The following CROCC variants were observed in gnomAD, a reference collection of about 807,000 sequenced individuals.
CROCC encodes the protein ciliary rootlet coiled-coil, rootletin.
Under a neutral mutation model 245.2 loss-of-function variants are expected in CROCC, and 180 were observed. That is an observed-to-expected ratio of 0.73 (90% CI 0.65 to 0.83). The LOEUF (loss-of-function observed/expected upper bound fraction) is 0.83, where lower values mean the gene tolerates loss of function less well. CROCC is among the 40% of genes least tolerant of loss of function. CROCC has a pLI of 0.00. For synonymous variants in CROCC, 1,205 were observed against 1,241.6 expected (o/e 0.97, Z 0.62); for missense variants, 2,688 against 2,779.4 (o/e 0.97, Z 0.74).
At chr1:16,922,893 G>A in intron 2 of CROCC, 95 bp downstream of exon 2, 2 of 1,501,362 alleles carry the variant, frequency 1.3e-6, no homozygotes, top group Non-Finnish European at 8.9e-7. Context: ...GATCATGACT[G>A]TAACTCACTG....
intron 1 of CROCC, among the ~76,000 whole-genome samples, chr1:16,916,486 C>T (rs1345546172): frequency 6.6e-6 from 1 of 152,272 alleles, no homozygotes; most frequent in Non-Finnish European, 1.5e-5. Flanking sequence ...GCAGGCGCTG[C>T]AGGATGGAAG....
intron 21 of CROCC, 66 bp downstream of exon 21, chr1:16,953,547 C>G: frequency 1.4e-6 from 2 of 1,456,936 alleles, no homozygotes; most frequent in Non-Finnish European, 1.8e-6. Context: ...CCGGGCCCTG[C>G]TCTGCCACTT....
chr1:16,940,548 G>A (rs1339231264), intron 13 of CROCC, among the ~76,000 whole-genome samples: 1 of 152,186 alleles, frequency 6.6e-6, no homozygotes, highest in African/African-American at 2.4e-5. Context: ...CACCACGCCC[G>A]GCTAATTTTT....
intron 17 of CROCC, among the ~76,000 whole-genome samples, chr1:16,947,856 CCAGA>C (rs2076084528): frequency 6.6e-6 from 1 of 151,352 alleles, no homozygotes; most frequent in Non-Finnish European, 1.5e-5. Flanking sequence ...GTTTTTTTTT[CCAGA>C]CAGAGTCTTG....
In CROCC at chr1:16,972,410, A is replaced by G. The variant is rs1245727705; in HGVS notation, c.6018A>G (p.Ala2006=). 6.2e-7 allele frequency: 1 copy of G among 1,612,810 alleles called. No individual in the cohort carries two copies. The highest frequency in any genetic ancestry group is 8.5e-7 in the Non-Finnish European group (1 of 1,179,580). The part of the protein sequence containing the change: ...QLQQELRRSS[A]PFSPPSGPPE... ...AGCAGGAGCTTCGAAGGAGCTCAGC[A>G]CCCTTCTCCCCACCCTCCGGCCCCC... is the stretch of plus-strand genomic sequence containing the variant. The change falls in exon 37 of 37, where the codon GCA becomes GCG. Residue 2006 remains alanine (A), a synonymous_variant. Transcript: ENST00000375541.
chr1:16,938,667 G>T (rs1157940349), intron 11 of CROCC, among the ~76,000 whole-genome samples, 184 bp downstream of exon 11: 1 of 152,296 alleles, frequency 6.6e-6, no homozygotes, highest in Admixed American at 6.5e-5. Context: ...GTCTCAGAGG[G>T]GAGGCACGAC....
At chr1:16,958,138 G>A (rs1286249496) in intron 25 of CROCC, among the ~76,000 whole-genome samples, 2 of 152,198 alleles carry the variant, frequency 1.3e-5, no homozygotes, top group Non-Finnish European at 2.9e-5. Context: ...CTGTTAGATA[G>A]GGATAATGTT....
chr1:16,968,224 G>A lies in CROCC; in HGVS notation c.4882G>A (p.Ala1628Thr), dbSNP rs749521598. The change falls in exon 31 of 37, where the codon GCC (alanine) becomes ACC (threonine). Residue 1628 changes from alanine (A) to threonine (T), a missense_variant. By Grantham distance (58) the Ala-to-Thr change is moderately conservative (BLOSUM62 0). This residue lies in a region of CROCC where 1,218 missense variants were observed against 1,286.3 expected (regional missense o/e 0.95). Transcript: ENST00000375541. ...GCAGGAGAAGATCAGCAAGATGAAG[G>A]CCAATGAGACAAAGCTGGAGGGCGA... ...ASQEKISKMK[A>T]NETKLEGDKR... 1.3e-6 allele frequency: 2 copies of A among 1,566,762 alleles called. No homozygotes were observed. The highest frequency in any genetic ancestry group is 1.2e-5 in the South Asian group (1 of 85,040).
In CROCC at chr1:16,966,068, G is replaced by C; in HGVS notation, c.4645G>C (p.Ala1549Pro). 1 of 1,613,784 alleles carries C rather than the reference G, an allele frequency of 6.2e-7. No individual in the cohort carries two copies. The highest frequency in any genetic ancestry group is 1.1e-5 in the South Asian group (1 of 91,054). Residue 1549 changes from alanine (A) to proline (P), a missense_variant, in exon 29 of 37, where the codon GCA becomes CCA. This residue lies in a region of CROCC where 1,218 missense variants were observed against 1,286.3 expected (regional missense o/e 0.95). Transcript: ENST00000375541. The surrounding 1 kb of genome is among the most constrained non-coding windows in gnomAD (Gnocchi z 4.8). The stretch of plus-strand genomic sequence containing the variant: ...CGAGATGGAGGCTGAGAGGGACAGC[G>C]CAACCTCGAGGGCCAGGCAGCTGCA... ...LAEMEAERDS[A>P]TSRARQLQKA...
Position 16,936,797 on chromosome 1 carries a change from G to C in CROCC, c.1117G>C (p.Asp373His). Reference protein sequence around the residue: ...LQAQLEEQLRDKVLREKDLAQ... With the variant: ...LQAQLEEQLRHKVLREKDLAQ... ...GGCCCAGCTGGAGGAGCAGCTGCGG[G>C]ACAAGGTGCTCCGCGAGAAGGACCT... The change falls in exon 9 of 37, where the codon GAC (aspartate) becomes CAC (histidine). Residue 373 changes from aspartate to histidine, a missense_variant. This residue lies in a region of CROCC where 972 missense variants were observed against 895.3 expected (regional missense o/e 1.09). Transcript: ENST00000375541. 1.2e-6 allele frequency: 2 copies of C among 1,612,036 alleles called. No individual in the cohort carries two copies. The highest frequency in any genetic ancestry group is 8.5e-7 in the Non-Finnish European group (1 of 1,179,820).
chr1:16,962,917 C>T (rs2076357282), intron 27 of CROCC, among the ~76,000 whole-genome samples: 1 of 151,526 alleles, frequency 6.6e-6, no homozygotes, highest in South Asian at 2.1e-4. Context: ...CACGTTGGCT[C>T]ATGTTTGTAA....
At chr1:16,943,128 G>C (rs968838846) in intron 13 of CROCC, among the ~76,000 whole-genome samples, 23 of 152,270 alleles carry the variant, frequency 1.5e-4, no homozygotes, top group African/African-American at 5.5e-4. Flanking sequence ...TGTAATCCCA[G>C]CTACTTGGGA....
At chr1:16,944,433 T>G (rs528299252) in intron 14 of CROCC, 151 bp downstream of exon 14, 26 of 868,162 alleles carry the variant, frequency 3.0e-5, no homozygotes, top group East Asian at 5.9e-5. Context: ...CAGACCCATT[T>G]CAGGAAACTG....
At chr1:16,917,092 TG>T (rs1449046933), upstream of CROCC, among the ~76,000 whole-genome samples, 1 of 152,294 alleles carries the variant, frequency 6.6e-6, no homozygotes, top group Non-Finnish European at 1.5e-5. Flanking sequence ...CACTCCAGAC[TG>T]GGTGACAGAG....
intron 30 of CROCC, among the ~76,000 whole-genome samples, chr1:16,967,359 A>C (rs2076435754): frequency 6.6e-6 from 1 of 152,154 alleles, no homozygotes; most frequent in Non-Finnish European, 1.5e-5. Context: ...TGCCCTCCCC[A>C]GCCTGTCCCT....
At chr1:16,932,951 A>G (rs180867447) in intron 8 of CROCC, among the ~76,000 whole-genome samples, 28 of 152,384 alleles carry the variant, frequency 1.8e-4, no homozygotes, top group African/African-American at 6.0e-4. Flanking sequence ...AGCTGGGACT[A>G]CAGGTGCATG....
In CROCC at chr1:16,924,594, C is replaced by T. The variant is rs1438153846; in HGVS notation, c.351+115C>T. Reference sequence around the variant, plus strand: ...AGATGGGCCCTGGAGTCAGGTTGGCCTGGGCTTGGATTGAGGCTCTGCCAC... The same window carrying T: ...AGATGGGCCCTGGAGTCAGGTTGGCTTGGGCTTGGATTGAGGCTCTGCCAC... On this transcript the variant is annotated intron_variant, in intron 3 of 36. Coordinates refer to ENST00000375541, the MANE Select transcript of CROCC (RefSeq NM_014675.5). The T allele has an allele frequency of 3.6e-6, 5 of 1,406,482 alleles. No homozygotes were observed. The African/African-American group carries it at 5.6e-5, about 16-fold the overall frequency. 87.1% of individuals were successfully genotyped at this position (1,406,482 alleles called of 1,614,324 possible). A position where few individuals can be genotyped will look rare whatever the true frequency, so the allele number is the denominator to read the frequency against.
At chr1:16,920,090 A>ATT (rs769060510), upstream of CROCC, among the ~76,000 whole-genome samples, 605 of 124,980 alleles carry the variant, frequency 4.8e-3, no homozygotes, top group African/African-American at 6.8e-3. Flanking sequence ...TTATTTATTT[A>ATT]TATTTTTGAG....
Position 16,938,900 on chromosome 1 carries a change from C to G in CROCC, c.1375-9C>G. On this transcript the variant is annotated splice_polypyrimidine_tract_variant and intron_variant, in intron 11 of 36. Transcript: ENST00000375541. ...GCAGCCTCCTTCTGCCTCCCTCCCCCACCCTCAGGCCGTCTTGTCAGACTC... is the reference window on the plus strand; with the variant it reads ...GCAGCCTCCTTCTGCCTCCCTCCCCGACCCTCAGGCCGTCTTGTCAGACTC... The G allele has an allele frequency of 5.6e-6, 9 of 1,604,468 alleles. No individual in the cohort carries two copies. The highest frequency in any genetic ancestry group is 6.8e-6 in the Non-Finnish European group (8 of 1,177,038).
Sources: allele counts gnomAD v4.1 joint callset (sites outside exome capture counted in the v4.1 genomes callset), GRCh38; gene constraint gnomAD v4.1.1; regional missense constraint gnomAD v4.1.1; non-coding constraint Gnocchi (gnomAD v3.1); transcripts MANE v1.5; gene names NCBI Gene and HGNC (gene_info 2026-07-23, HGNC 2026-07-21).